Variants in TRPM7 observed in about 807,000 individuals in gnomAD.
The protein encoded by TRPM7 is LTRPC ion channel family member 7.
A neutral mutation model predicts 229.7 loss-of-function variants in TRPM7; 134 were observed. That is an observed-to-expected ratio of 0.58 (90% confidence interval 0.51 to 0.67). The LOEUF is 0.67. TRPM7 is among the 30% of genes least tolerant of loss of function. The pLI, the probability that TRPM7 is intolerant of heterozygous loss-of-function variation, is 0.00. For synonymous variants in TRPM7, 699 were observed against 715.2 expected, an observed-to-expected ratio of 0.98 and a Z score of 0.36; for missense variants, 1,901 against 2,210.0, an observed-to-expected ratio of 0.86 and a Z score of 2.80.
intron 4 of TRPM7, among the ~76,000 whole-genome samples, chr15:50,648,191 G>A (rs1364227419): frequency 1.3e-5 from 2 of 152,006 alleles, no homozygotes; most frequent in Non-Finnish European, 2.9e-5. Context: ...GGGAAGTCCT[G>A]AAACCAAGCC....
chr15:50,575,631 T>G, intron 33 of TRPM7, 93 bp downstream of exon 33: 1 of 1,082,754 alleles, frequency 9.2e-7, no homozygotes, highest in Non-Finnish European at 1.3e-6. Flanking sequence ...AATTGATACT[T>G]CTTAATGTAA....
At chr15:50,679,530 ATATATATATTTT>A (rs1567129438) in intron 1 of TRPM7, among the ~76,000 whole-genome samples, 1 of 44,834 alleles carries the variant, frequency 2.2e-5, no homozygotes, top group South Asian at 7.4e-4. Flanking sequence ...ATATATATAT[ATATATATATTTT>A]TTTTTTTTTT....
rs2060730033 is a variant in TRPM7, at chr15:50,631,487, GATCT to G, written c.1132-2_1133del. 2 of 1,589,618 alleles carry G rather than the reference GATCT, an allele frequency of 1.3e-6. No homozygotes were observed. Among genetic ancestry groups the G allele is most frequent in the South Asian group, 1.1e-5 (1 of 90,220 alleles). On this transcript the variant is annotated splice_acceptor_variant and coding_sequence_variant, in exon 10 of 39. Transcript: ENST00000646667. LOFTEE classifies it high-confidence loss of function. ...CATCTGACCCAATATGGAAAACAGTGATCTATTTAAAGATAAATTTATAACATTA... is the reference window on the plus strand; with the variant it reads ...CATCTGACCCAATATGGAAAACAGTGATTTAAAGATAAATTTATAACATTA...
In TRPM7 at chr15:50,639,534, C is replaced by A. The variant is rs376928280; in HGVS notation, c.550G>T (p.Val184Phe). The A allele has an allele frequency of 6.2e-7, 1 of 1,608,512 alleles. No individual in the cohort carries two copies. The highest frequency in any genetic ancestry group is 8.5e-7 in the Non-Finnish European group (1 of 1,177,150). Residue 184 changes from valine (V) to phenylalanine (F), a missense_variant, in exon 6 of 39, where the codon GTT becomes TTT. Val to Phe is a conservative substitution (Grantham distance 50). This residue lies in a region of TRPM7 where 794 missense variants were observed against 881.9 expected (regional missense o/e 0.90). Transcript: ENST00000646667. The part of the protein sequence containing the change: ...GGVNTGVAKH[V>F]GDALKEHASR... Reference sequence around the variant, plus strand: ...GCATGTTCTTTGAGGGCATCTCCAACATGTTTTGCCACACCTGTTCATAAA... The same window carrying A: ...GCATGTTCTTTGAGGGCATCTCCAAAATGTTTTGCCACACCTGTTCATAAA...
chr15:50,574,972 C>A lies in TRPM7; in HGVS notation c.4899G>T (p.Trp1633Cys). 6.2e-7 allele frequency: 1 copy of A among 1,614,094 alleles called. No homozygotes were observed. Among genetic ancestry groups the A allele is most frequent in the Non-Finnish European group, 8.5e-7 (1 of 1,179,994 alleles). The stretch of plus-strand genomic sequence containing the variant: ...CTGATTTGAGGATATCATGTTCTGA[C>A]CAGGTACACTGTACTTTGACAGCTC... Reference protein sequence around the residue: ...LRRAVKVQCTWSEHDILKSGH... With the variant: ...LRRAVKVQCTCSEHDILKSGH... Residue 1633 changes from tryptophan (W) to cysteine (C), a missense_variant, in exon 34 of 39, where the codon TGG becomes TGT. Trp to Cys is a radical substitution (Grantham distance 215). This residue lies in a region of TRPM7 where 257 missense variants were observed against 352.0 expected (regional missense o/e 0.73). Coordinates refer to ENST00000646667, the MANE Select transcript of TRPM7 (RefSeq NM_017672.6).
chr15:50,575,186 C>T (rs372777242), intron 33 of TRPM7, 51 bp from the exon 34 acceptor site: 46 of 1,470,146 alleles, frequency 3.1e-5, no homozygotes, highest in South Asian at 1.3e-4. Flanking sequence ...TTTTTAAAAA[C>T]GACAAAGTAA....
intron 36 of TRPM7, among the ~76,000 whole-genome samples, chr15:50,571,856 G>T (rs1365108860): frequency 6.6e-6 from 1 of 152,216 alleles, no homozygotes. Flanking sequence ...AAGGGATTTA[G>T]AATATACATA....
At chr15:50,609,746 T>C in intron 18 of TRPM7, 22 bp from the exon 19 acceptor site, 1 of 1,560,932 alleles carries the variant, frequency 6.4e-7, no homozygotes, top group Non-Finnish European at 8.7e-7. Context: ...AAAAAAAAAA[T>C]TCTTTTGTAC....
Position 50,595,548 on chromosome 15 carries a change from G to A in TRPM7, c.3290+707C>T, listed in dbSNP as rs1424862887. ...AATAATGTTCATGATGCTTTGCTTA[G>A]TTATAAAACAGTACATAAAATATAA... On this transcript the variant is annotated intron_variant, in intron 23 of 38. Coordinates refer to ENST00000646667, the MANE Select transcript of TRPM7 (RefSeq NM_017672.6). Among the ~76,000 whole-genome samples the A allele has an allele frequency of 2.0e-5, 3 of 151,974 alleles. No homozygotes were observed. In the East Asian group the frequency reaches 5.8e-4, roughly 29 times the overall value.
chr15:50,617,504 CA>C (rs57521351), intron 13 of TRPM7, among the ~76,000 whole-genome samples: 12 of 145,518 alleles, frequency 8.2e-5, no homozygotes, highest in South Asian at 4.3e-4. Context: ...AACTTCATTT[CA>C]AAAAAAAAAA....
At position 50,632,246 on chromosome 15, in the gene TRPM7, T is replaced by C. The variant is rs187059000; in HGVS notation, c.1131+623A>G. Among the ~76,000 whole-genome samples, 991 of 151,782 alleles carry C rather than the reference T, an allele frequency of 6.5e-3. 9 individuals are homozygous for C. The highest frequency in any genetic ancestry group is 0.027 in the Admixed American group (407 of 15,246). On this transcript the variant is annotated intron_variant, in intron 9 of 38. Transcript: ENST00000646667. ...AGACAGAGGTTGCAGTGAGCTGAGA[T>C]TGCACCACGGCACTCCAGCTTGAGC...
intron 2 of TRPM7, among the ~76,000 whole-genome samples, chr15:50,660,468 C>G (rs1265450547): frequency 6.6e-6 from 1 of 152,112 alleles, no homozygotes; most frequent in African/African-American, 2.4e-5. Flanking sequence ...GCCTGACCAA[C>G]ATGGTGAAAC....
rs773622206 is a variant in TRPM7 at position 50,574,690 on chromosome 15, CTTTT to C, written c.5045_5048del (p.Gln1682ArgfsTer9). 1.9e-6 allele frequency: 3 copies of C among 1,613,848 alleles called. No individual in the cohort carries two copies. Among genetic ancestry groups the C allele is most frequent in the Non-Finnish European group, 2.5e-6 (3 of 1,179,942 alleles). On this transcript the variant is annotated frameshift_variant, in exon 35 of 39. Coordinates refer to ENST00000646667, the MANE Select transcript of TRPM7 (RefSeq NM_017672.6). LOFTEE classifies it high-confidence loss of function. Reference sequence around the variant, plus strand: ...TCATTTGATTAAAGGCAAACGTAAGCTTTTGTGCTGCTCTCTGTTGTTGAATTTC... The same window carrying C: ...TCATTTGATTAAAGGCAAACGTAAGCGTGCTGCTCTCTGTTGTTGAATTTC...
At chr15:50,635,316 C>CAAAA (rs2060859427) in intron 7 of TRPM7, among the ~76,000 whole-genome samples, 1 of 30,504 alleles carries the variant, frequency 3.3e-5, no homozygotes, top group Non-Finnish European at 5.6e-5. Flanking sequence ...GACTCCCTCA[C>CAAAA]ATAAAAAAAA....
intron 30 of TRPM7, among the ~76,000 whole-genome samples, chr15:50,580,292 G>T (rs7167734): frequency 2.0e-5 from 3 of 151,998 alleles, no homozygotes; most frequent in Non-Finnish European, 1.5e-5. Context: ...GATTATCTTA[G>T]ATTTGTCTTT....
intron 27 of TRPM7, among the ~76,000 whole-genome samples, chr15:50,588,603 T>C (rs186788968): frequency 1.1e-4 from 16 of 152,320 alleles, no homozygotes; most frequent in Admixed American, 2.6e-4. Context: ...TCCTTGGTTC[T>C]AGCTTTAGGA....
chr15:50,625,422 A>G lies in TRPM7; in HGVS notation c.1306-1122T>C, dbSNP rs558255848. ...ATAGTCTTCATGATATTTTAAGTAT[A>G]TACTTTCTGTTTTTTTGAGACGGGG... On this transcript the variant is annotated intron_variant, in intron 11 of 38. Transcript: ENST00000646667. Among the ~76,000 whole-genome samples, 20 of 152,174 alleles carry G rather than the reference A, an allele frequency of 1.3e-4. 2 individuals carry two copies. The South Asian group carries it at 4.1e-3, about 32-fold the overall frequency.
chr15:50,575,170 T>A (rs2054072718), intron 33 of TRPM7, 35 bp from the exon 34 acceptor site: 1 of 1,518,994 alleles, frequency 6.6e-7, no homozygotes, highest in Admixed American at 2.2e-5. Flanking sequence ...AAGATTAAAT[T>A]GTGACTTTTT....
intron 13 of TRPM7, among the ~76,000 whole-genome samples, chr15:50,615,371 A>C (rs2060196367): frequency 6.6e-6 from 1 of 152,154 alleles, no homozygotes; most frequent in Non-Finnish European, 1.5e-5. Context: ...AGTGTTGTCC[A>C]GGAATTAACT....
Sources: gnomAD v4.1 joint callset for allele counts (sites outside exome capture counted in the v4.1 genomes callset) on GRCh38, gnomAD v4.1.1 for gene constraint, gnomAD v4.1.1 regional missense constraint, MANE v1.5 for transcripts, NCBI Gene and HGNC (gene_info 2026-07-23, HGNC 2026-07-21) for gene names.